Variants in PGC observed in about 807,000 individuals in gnomAD.
PGC encodes the protein gastricsin.
A neutral mutation model predicts 45.9 loss-of-function variants in PGC; 31 were observed. The ratio of observed to expected loss-of-function variants is 0.67; its 90% confidence interval spans 0.51 to 0.91. PGC has a LOEUF of 0.91. PGC is among the 40% of genes least tolerant of loss of function. The pLI, the probability that PGC is intolerant of heterozygous loss-of-function variation, is 0.00. For missense variants in PGC, 477 were observed against 493.2 expected (o/e 0.97, Z 0.31); for synonymous variants, 192 against 201.8 (o/e 0.95, Z 0.41).
Position 41,744,308 on chromosome 6 carries a change from C to T in PGC, c.328+89G>A. On this transcript the variant is annotated intron_variant, in intron 3 of 8. Coordinates refer to ENST00000373025, the MANE Select transcript of PGC (RefSeq NM_002630.4). This position sits in a 1 kb window ranked among gnomAD's most constrained non-coding sequence, Gnocchi z 4.4. Reference sequence around the variant, plus strand: ...CCCCAGGACTGAGCTCCCCTCAGTCCTGAGCTCCCTCTGGAAGTTTGGCCC... The same window carrying T: ...CCCCAGGACTGAGCTCCCCTCAGTCTTGAGCTCCCTCTGGAAGTTTGGCCC... 1.1e-6 allele frequency: 1 copy of T among 883,722 alleles called. No homozygotes were observed. The highest frequency in any genetic ancestry group is 1.8e-6 in the Non-Finnish European group (1 of 551,860). The allele number at this position is 883,722 out of a possible 1,614,324, so 54.7% of individuals were successfully genotyped here. A position where few individuals can be genotyped will look rare whatever the true frequency, so the allele number is the denominator to read the frequency against.
chr6:41,742,217 C>T, intron 5 of PGC, 73 bp downstream of exon 5: 1 of 1,354,858 alleles, frequency 7.4e-7, no homozygotes, highest in Non-Finnish European at 1.0e-6. Context: ...AAGCATTGAG[C>T]ACTGAGCCTC....
At chr6:41,741,687 A>G (rs929451305) in intron 5 of PGC, 42 of 730,530 alleles carry the variant, frequency 5.7e-5, no homozygotes, top group Admixed American at 3.0e-4. Context: ...GTTGCTGGTT[A>G]ATTCTGAAGA....
intron 7 of PGC, among the ~76,000 whole-genome samples, chr6:41,738,193 T>TATATATGTACATATATATAC (rs1554138628): frequency 5.7e-5 from 2 of 35,352 alleles, no homozygotes; most frequent in African/African-American, 1.5e-4. Context: ...TATATATGCA[T>TATATATGTACATATATATAC]ATATATATGC....
At chr6:41,738,151 TATATAC>T (rs1215501692) in intron 7 of PGC, among the ~76,000 whole-genome samples, 1 of 43,350 alleles carries the variant, frequency 2.3e-5, no homozygotes, top group African/African-American at 7.3e-5. Flanking sequence ...TATGCATATA[TATATAC>T]ATATATATGC....
rs1467537944 is a variant in PGC, at chr6:41,743,279, T to C, written c.439A>G (p.Thr147Ala). The C allele has an allele frequency of 6.2e-7, 1 of 1,601,436 alleles. No homozygotes were observed. Among genetic ancestry groups the C allele is most frequent in the Admixed American group, 1.7e-5 (1 of 59,980 alleles). The change falls in exon 4 of 9, where the codon ACC becomes GCC. Residue 147 changes from threonine (T) to alanine (A), a missense_variant. By Grantham distance (58) the Thr-to-Ala change is moderately conservative. Transcript: ENST00000373025. ...GSLTGFFGYD[T>A]LTVQSIQVPN... is the part of the protein sequence containing the mutation. Reference sequence around the variant, plus strand: ...TCCCCATGCCCACTCACAGTCAGGGTGTCATAGCCAAAGAAGCCGGTGAGG... The same window carrying C: ...TCCCCATGCCCACTCACAGTCAGGGCGTCATAGCCAAAGAAGCCGGTGAGG...
In PGC at chr6:41,742,155, T is replaced by C. The variant is rs540124565; in HGVS notation, c.647+135A>G. On this transcript the variant is annotated intron_variant, in intron 5 of 8. Coordinates refer to ENST00000373025, the MANE Select transcript of PGC (RefSeq NM_002630.4). Reference sequence around the variant, plus strand: ...AGAGGAAGCCCAGGAAGGAAGGCCCTGGAGCAAGACTGACTGGAGCCAGAT... The same window carrying C: ...AGAGGAAGCCCAGGAAGGAAGGCCCCGGAGCAAGACTGACTGGAGCCAGAT... The C allele has an allele frequency of 1.4e-4, 117 of 809,008 alleles. No homozygotes were observed. The African/African-American group carries it at 1.6e-3, about 11-fold the overall frequency. 50.1% of individuals were successfully genotyped at this position (809,008 alleles called of 1,614,324 possible).
At position 41,739,838 on chromosome 6, in the gene PGC, A is replaced by G. The variant is rs545540663; in HGVS notation, c.876T>C (p.Leu292=). The change falls in exon 7 of 9, where the codon CTT becomes CTC. Residue 292 remains leucine (L), a synonymous_variant. Coordinates refer to ENST00000373025, the MANE Select transcript of PGC (RefSeq NM_002630.4). The part of the protein sequence containing the change: ...LTVPQQYMSA[L]LQATGAQEDE... ...CCTCCTGGGCCCCTGTGGCCTGCAG[A>G]AGAGCACTCATGTACTGCTGGGGCA... The G allele has an allele frequency of 6.2e-7, 1 of 1,614,144 alleles. No individual in the cohort carries two copies. The highest frequency in any genetic ancestry group is 1.3e-5 in the African/African-American group (1 of 75,054).
rs1348373032 is a variant in PGC, at chr6:41,740,044, T to C, written c.768-98A>G. 6.4e-6 allele frequency: 7 copies of C among 1,093,398 alleles called. No homozygotes were observed. In the African/African-American group the frequency reaches 1.1e-4, roughly 17 times the overall value. The allele number at this position is 1,093,398 out of a possible 1,614,324, so 67.7% of individuals were successfully genotyped here. ...CTGTGGGACAAAGAGCTACAGCTACTTTCTTGAGGAAAGTGAGGACCCTGC... is the reference window on the plus strand; with the variant it reads ...CTGTGGGACAAAGAGCTACAGCTACCTTCTTGAGGAAAGTGAGGACCCTGC... On this transcript the variant is annotated intron_variant, in intron 6 of 8. Coordinates refer to ENST00000373025, the MANE Select transcript of PGC (RefSeq NM_002630.4).
intron 4 of PGC, 127 bp from the exon 5 acceptor site, chr6:41,742,616 G>C: frequency 1.4e-6 from 1 of 711,422 alleles, no homozygotes; most frequent in Non-Finnish European, 2.4e-6. Flanking sequence ...TTTTGTTTTG[G>C]TTTTCTTGTT....
In PGC at chr6:41,744,298, C is replaced by G; in HGVS notation, c.328+99G>C. On this transcript the variant is annotated intron_variant, in intron 3 of 8. Coordinates refer to ENST00000373025, the MANE Select transcript of PGC (RefSeq NM_002630.4). The surrounding 1 kb of genome is among the most constrained non-coding windows in gnomAD (Gnocchi z 4.4). ...CCCTGGTCCTCCCCAGGACTGAGCT[C>G]CCCTCAGTCCTGAGCTCCCTCTGGA... 1.3e-6 allele frequency: 1 copy of G among 764,056 alleles called. No individual in the cohort carries two copies. Among genetic ancestry groups the G allele is most frequent in the Non-Finnish European group, 2.2e-6 (1 of 453,768 alleles). 47.3% of individuals were successfully genotyped at this position (764,056 alleles called of 1,614,324 possible).
intron 1 of PGC, among the ~76,000 whole-genome samples, chr6:41,746,919 A>G (rs146906443): frequency 6.6e-6 from 1 of 152,328 alleles, no homozygotes; most frequent in Non-Finnish European, 1.5e-5. Context: ...AGGATAGTGG[A>G]TAAGATATCC....
chr6:41,741,738 C>T, intron 5 of PGC: 7 of 1,229,632 alleles, frequency 5.7e-6, no homozygotes, highest in African/African-American at 1.5e-5. Context: ...CACCCCCACC[C>T]ACTGCCTGTC....
chr6:41,740,431 A>G (rs1771800040), intron 6 of PGC, 60 bp downstream of exon 6: 6 of 1,559,670 alleles, frequency 3.8e-6, no homozygotes, highest in Non-Finnish European at 1.7e-6. Context: ...TGTGTGTGAC[A>G]TGGCCTGGAA....
chr6:41,738,239 T>TATATATATAC lies in PGC; in HGVS notation c.916-412_916-411insGTATATATAT, dbSNP rs1561880028. Among the ~76,000 whole-genome samples, 51 of 49,840 alleles carry TATATATATAC rather than the reference T, an allele frequency of 1.0e-3. 3 individuals carry two copies. The highest frequency in any genetic ancestry group is 4.9e-3 in the African/African-American group (51 of 10,348). The allele number at this position is 49,840 out of a possible 152,430, so 32.7% of individuals were successfully genotyped here. On this transcript the variant is annotated intron_variant, in intron 7 of 8. Transcript: ENST00000373025. The stretch of plus-strand genomic sequence containing the variant: ...GCATATATATATGCATATATATATG[T>TATATATATAC]ATATATATATGCATATATATATATG...
intron 5 of PGC, chr6:41,741,823 C>T: frequency 6.5e-7 from 1 of 1,536,174 alleles, no homozygotes; most frequent in Non-Finnish European, 8.7e-7. Context: ...TGGACCTAGA[C>T]CAGAAGACTC....
intron 5 of PGC, chr6:41,741,296 G>A: frequency 3.8e-6 from 5 of 1,326,370 alleles, no homozygotes; most frequent in Non-Finnish European, 5.0e-6. Context: ...ACAGGGTGAG[G>A]TCCTTGAACT....
intron 4 of PGC, 59 bp from the exon 5 acceptor site, chr6:41,742,548 T>G: frequency 7.6e-7 from 1 of 1,320,098 alleles, no homozygotes; most frequent in Non-Finnish European, 1.1e-6. Flanking sequence ...CTCCTCCAGG[T>G]TCCCCTAGAG....
At position 41,744,805 on chromosome 6, in the gene PGC, C is replaced by T; in HGVS notation, c.63G>A (p.Val21=). 1 of 1,613,700 alleles carries T rather than the reference C, an allele frequency of 6.2e-7. No individual in the cohort carries two copies. Among genetic ancestry groups the T allele is most frequent in the African/African-American group, 1.3e-5 (1 of 75,032 alleles). Residue 21 remains valine (V), a synonymous_variant, in exon 2 of 9, where the codon GTG becomes GTA. Coordinates refer to ENST00000373025, the MANE Select transcript of PGC (RefSeq NM_002630.4). This position sits in a 1 kb window ranked among gnomAD's most constrained non-coding sequence, Gnocchi z 4.4. ...LQLLEAAVVK[V]PLKKFKSIRE... is the part of the protein sequence containing the mutation. ...GGATAGACTTAAATTTCTTCAGGGG[C>T]ACTCTACAGAAAGGTTGCATATGAG...
At chr6:41,737,686 C>A (rs1274408635) in intron 8 of PGC, 44 bp downstream of exon 8, 1 of 1,239,484 alleles carries the variant, frequency 8.1e-7, no homozygotes, top group African/African-American at 1.5e-5. Context: ...CCCTTCCTCC[C>A]AACCCCAATC....
Sources: gnomAD v4.1 joint callset for allele counts (sites outside exome capture counted in the v4.1 genomes callset) on GRCh38, gnomAD v4.1.1 for gene constraint, Gnocchi (gnomAD v3.1) non-coding constraint, MANE v1.5 for transcripts, NCBI Gene and HGNC (gene_info 2026-07-23, HGNC 2026-07-21) for gene names.